PCDHGB2: variants seen among roughly 807,000 people sequenced by gnomAD.
PCDHGB2 encodes protocadherin gamma subfamily B, 2.
A neutral mutation model predicts 59.3 loss-of-function variants in PCDHGB2; 55 were observed. The observed-to-expected ratio is 0.93, with a 90% CI of 0.75 to 1.16. The LOEUF is 1.16. Ranked by LOEUF, PCDHGB2 falls within the 50% of genes most tolerant of loss-of-function variation. The probability of loss-of-function intolerance (pLI) is 0.00; values close to 1 mark genes in which losing one functional copy is unlikely to be tolerated. For missense variants in PCDHGB2, 1,228 were observed against 1,198.5 expected (o/e 1.02, Z -0.36); for synonymous variants, 516 against 512.0 (o/e 1.01, Z -0.11).
At position 141,487,421 on chromosome 5, in the gene PCDHGB2, C is replaced by A. The variant is rs1365581881; in HGVS notation, c.2422-7386C>A. On this transcript the variant is annotated intron_variant, in intron 1 of 3. Coordinates refer to ENST00000522605, the MANE Select transcript of PCDHGB2 (RefSeq NM_018923.3). This position sits in a 1 kb window ranked among gnomAD's most constrained non-coding sequence, Gnocchi z 5.0. ...GGGGCTTCCCCCTTCCAATGGGATC[C>A]TCCGAATCCAGCTAGGGTCAGATGA... 2 of 1,614,026 alleles carry A rather than the reference C, an allele frequency of 1.2e-6. No individual in the cohort carries two copies. Among genetic ancestry groups the A allele is most frequent in the South Asian group, 1.1e-5 (1 of 91,086 alleles).
chr5:141,360,481 A>G lies in PCDHGB2; in HGVS notation c.346A>G (p.Ile116Val). ...FDTVAENPLNIFYIAVIVQDI... is the reference protein window; with the variant it reads ...FDTVAENPLNVFYIAVIVQDI... ...TACTGTCGCTGAAAATCCACTAAAT[A>G]TTTTCTACATAGCAGTAATTGTGCA... The change falls in exon 1 of 4, where the codon ATT becomes GTT. Residue 116 changes from isoleucine to valine, a missense_variant. Ile to Val is a conservative substitution (Grantham distance 29). This residue lies in a region of PCDHGB2 where 781 missense variants were observed against 721.6 expected (regional missense o/e 1.08). Transcript: ENST00000522605. 6.2e-7 allele frequency: 1 copy of G among 1,613,874 alleles called. No homozygotes were observed.
chr5:141,412,963 G>T, intron 1 of PCDHGB2: 1 of 518,228 alleles, frequency 1.9e-6, no homozygotes, highest in East Asian at 3.1e-5. Context: ...TCACCTACTA[G>T]GAGAGAAAAC....
chr5:141,370,886 C>A (rs1208326985), intron 1 of PCDHGB2: 1 of 1,614,034 alleles, frequency 6.2e-7, no homozygotes, highest in South Asian at 1.1e-5. Flanking sequence ...ATGTAGGTGT[C>A]AATTCGCTGC....
Position 141,362,033 on chromosome 5 carries a change from G to A in PCDHGB2, c.1898G>A (p.Gly633Asp), listed in dbSNP as rs1762293611. ...GAGGTGCGCACAGCGCGTGCCTTGG[G>A]CGACAGGGACGCGGCCCGCCAGCGC... The part of the protein sequence containing the change: ...TGEVRTARAL[G>D]DRDAARQRLL... Residue 633 changes from glycine (G) to aspartate (D), a missense_variant, in exon 1 of 4, where the codon GGC becomes GAC. Transcript: ENST00000522605. 6.2e-7 allele frequency: 1 copy of A among 1,609,476 alleles called. No individual in the cohort carries two copies. The highest frequency in any genetic ancestry group is 8.5e-7 in the Non-Finnish European group (1 of 1,179,342).
At chr5:141,371,264 A>C in intron 1 of PCDHGB2, 1 of 1,614,064 alleles carries the variant, frequency 6.2e-7, no homozygotes, top group South Asian at 1.1e-5. Context: ...AAGTGAGACA[A>C]CTGTTCAAGC....
chr5:141,420,905 T>TA (rs545324172), intron 1 of PCDHGB2: 3 of 299,970 alleles, frequency 1.0e-5, no homozygotes, highest in Non-Finnish European at 1.9e-5. Flanking sequence ...GCTCTACAAA[T>TA]ACGTGTGATT....
chr5:141,405,595 A>C (rs1255161296), intron 1 of PCDHGB2: 1 of 578,138 alleles, frequency 1.7e-6, no homozygotes, highest in Non-Finnish European at 3.1e-6. Flanking sequence ...CAGGCCTCCC[A>C]AGTAGAATAA....
At chr5:141,408,847 G>A in intron 1 of PCDHGB2, 1 of 1,613,498 alleles carries the variant, frequency 6.2e-7, no homozygotes, top group African/African-American at 1.3e-5. Flanking sequence ...TGACTGCCTT[G>A]GACGGAGGGG....
At chr5:141,494,223 C>T (rs1435042163) in intron 1 of PCDHGB2, among the ~76,000 whole-genome samples, 2 of 152,192 alleles carry the variant, frequency 1.3e-5, no homozygotes, top group African/African-American at 4.8e-5. Context: ...TGGCATGACT[C>T]CTAAATTAAT....
At position 141,490,460 on chromosome 5, in the gene PCDHGB2, TA is replaced by T. The variant is rs1393913480; in HGVS notation, c.2422-4345del. 1.2e-6 allele frequency: 2 copies of T among 1,614,094 alleles called. No individual in the cohort carries two copies. The highest frequency in any genetic ancestry group is 1.7e-6 in the Non-Finnish European group (2 of 1,180,048). On this transcript the variant is annotated intron_variant, in intron 1 of 3. Coordinates refer to ENST00000522605, the MANE Select transcript of PCDHGB2 (RefSeq NM_018923.3). The surrounding 1 kb of genome is among the most constrained non-coding windows in gnomAD (Gnocchi z 5.4). ...CCTTCTGAGAACCACTACTCGCTGC[TA>T]ACCAGCCAGCCTTTGGACCGGGAGG... is the stretch of plus-strand genomic sequence containing the variant.
rs377414044 is a variant in PCDHGB2, at chr5:141,362,475, C to G, written c.2340C>G (p.Leu780=). The change falls in exon 1 of 4, where the codon CTC becomes CTG. Residue 780 remains leucine (L), a synonymous_variant. Coordinates refer to ENST00000522605, the MANE Select transcript of PCDHGB2 (RefSeq NM_018923.3). ...ITPELVPAQD[L]VCDNASWEQN... ...CGGAATTGGTTCCCGCGCAAGATCT[C>G]GTCTGTGACAATGCCTCTTGGGAAC... is the stretch of plus-strand genomic sequence containing the variant. The G allele has an allele frequency of 9.2e-5, 149 of 1,613,908 alleles. 1 individual carries two copies. The highest frequency in any genetic ancestry group is 1.2e-4 in the Non-Finnish European group (143 of 1,179,906).
chr5:141,364,522 C>G (rs1763375621), intron 1 of PCDHGB2: 1 of 1,613,942 alleles, frequency 6.2e-7, no homozygotes, highest in Non-Finnish European at 8.5e-7. Flanking sequence ...AGCGCGGAGT[C>G]CGCATCGTCT....
intron 1 of PCDHGB2, chr5:141,377,207 A>T (rs1170353646): frequency 6.6e-6 from 1 of 152,122 alleles, no homozygotes; most frequent in Non-Finnish European, 1.5e-5. Context: ...GATTGAGTAC[A>T]TCTCGTTTCT....
chr5:141,395,016 G>T, intron 1 of PCDHGB2: 1 of 1,614,068 alleles, frequency 6.2e-7, no homozygotes, highest in Admixed American at 1.7e-5. Flanking sequence ...ATTGGTAGGC[G>T]TGCCTGCCTC....
rs751214480 is a variant in PCDHGB2, at chr5:141,485,161, G to A, written c.2422-9646G>A. ...CGTCTCAGGAGCAAGTAGAGAATTA[G>A]CGGGCGGCAGCAATGCTCCGCAAGG... On this transcript the variant is annotated intron_variant, in intron 1 of 3. Transcript: ENST00000522605. The surrounding 1 kb of genome is among the most constrained non-coding windows in gnomAD (Gnocchi z 5.7). The A allele has an allele frequency of 8.1e-6, 13 of 1,603,712 alleles. No individual in the cohort carries two copies. The Admixed American group carries it at 2.0e-4, about 25-fold the overall frequency.
rs368153419 is a variant in PCDHGB2 at position 141,476,458 on chromosome 5, C to T, written c.2422-18349C>T. 1 of 1,614,044 alleles carries T rather than the reference C, an allele frequency of 6.2e-7. No homozygotes were observed. Among genetic ancestry groups the T allele is most frequent in the Non-Finnish European group, 8.5e-7 (1 of 1,180,014 alleles). On this transcript the variant is annotated intron_variant, in intron 1 of 3. Coordinates refer to ENST00000522605, the MANE Select transcript of PCDHGB2 (RefSeq NM_018923.3). The surrounding 1 kb of genome is among the most constrained non-coding windows in gnomAD (Gnocchi z 7.6). ...TAACTCTGGAGTTGGTAGTGGAGAA[C>T]CCGCTGGAGCTGTTCAGCGTGGAAG...
intron 2 of PCDHGB2, among the ~76,000 whole-genome samples, chr5:141,502,576 T>C (rs1226513508): frequency 6.6e-6 from 1 of 152,168 alleles, no homozygotes; most frequent in African/African-American, 2.4e-5. Flanking sequence ...ATTATAAAAA[T>C]ATATTTTTAT....
At position 141,491,546 on chromosome 5, in the gene PCDHGB2, C is replaced by T; in HGVS notation, c.2422-3261C>T. ...GAGGTGACGCTGCGGCCCACAGACT[C>T]GCAGAGCCACTGCTACAGGACGTGC... On this transcript the variant is annotated intron_variant, in intron 1 of 3. Transcript: ENST00000522605. This position sits in a 1 kb window ranked among gnomAD's most constrained non-coding sequence, Gnocchi z 6.9. 1.9e-6 allele frequency: 3 copies of T among 1,614,038 alleles called. No homozygotes were observed. Among genetic ancestry groups the T allele is most frequent in the Non-Finnish European group, 2.5e-6 (3 of 1,180,024 alleles).
chr5:141,422,576 C>G (rs778942661), intron 1 of PCDHGB2: 1 of 1,614,034 alleles, frequency 6.2e-7, no homozygotes, highest in South Asian at 1.1e-5. Context: ...AACGATAACC[C>G]TCCCGTTTTT....
Sources: allele counts gnomAD v4.1 joint callset (sites outside exome capture counted in the v4.1 genomes callset), GRCh38; gene constraint gnomAD v4.1.1; regional missense constraint gnomAD v4.1.1; non-coding constraint Gnocchi (gnomAD v3.1); transcripts MANE v1.5; gene names NCBI Gene and HGNC (gene_info 2026-07-23, HGNC 2026-07-21).